The following LUZP2 variants were observed in gnomAD, a reference collection of about 807,000 sequenced individuals.
LUZP2 encodes leucine zipper protein 2.
A neutral mutation model predicts 51.6 loss-of-function variants in LUZP2; 52 were observed. The observed-to-expected ratio is 1.01, with a 90% CI of 0.81 to 1.27. The LOEUF (loss-of-function observed/expected upper bound fraction) is 1.27. LUZP2 is among the 50% of genes most tolerant of loss of function. The probability of loss-of-function intolerance (pLI) is 0.00; values close to 1 mark genes in which losing one functional copy is unlikely to be tolerated. For missense variants in LUZP2, 436 were observed against 395.4 expected (o/e 1.10, Z -0.87); for synonymous variants, 154 against 137.3 (o/e 1.12, Z -0.85).
At chr11:24,844,012 G>C (rs1221465849) in intron 5 of LUZP2, among the ~76,000 whole-genome samples, 1 of 152,112 alleles carries the variant, frequency 6.6e-6, no homozygotes, top group Non-Finnish European at 1.5e-5. Flanking sequence ...TAATACAGTA[G>C]ATTGGTACCA....
At chr11:24,582,237 G>C (rs1328653733) in intron 1 of LUZP2, among the ~76,000 whole-genome samples, 2 of 149,060 alleles carry the variant, frequency 1.3e-5, no homozygotes, top group Non-Finnish European at 3.0e-5. Flanking sequence ...TTCCAGGTGT[G>C]TCTGAGACAG....
At chr11:24,541,572 G>A (rs1851365563) in intron 1 of LUZP2, among the ~76,000 whole-genome samples, 1 of 152,148 alleles carries the variant, frequency 6.6e-6, no homozygotes, top group South Asian at 2.1e-4. Flanking sequence ...TGGATGTTTT[G>A]TTGAATTCTC....
chr11:24,775,512 A>C (rs1033479732), intron 5 of LUZP2, among the ~76,000 whole-genome samples: 10 of 152,180 alleles, frequency 6.6e-5, no homozygotes, highest in African/African-American at 2.4e-4. Flanking sequence ...CCAGCTTTCT[A>C]CTTCTCAAGG....
At chr11:24,790,335 G>C (rs1254067759) in intron 5 of LUZP2, among the ~76,000 whole-genome samples, 1 of 152,078 alleles carries the variant, frequency 6.6e-6, no homozygotes, top group Non-Finnish European at 1.5e-5. Flanking sequence ...AAGTCAAAAT[G>C]ATAGTTCCTA....
At chr11:24,646,362 GACA>G (rs1437577413) in intron 1 of LUZP2, among the ~76,000 whole-genome samples, 2 of 152,030 alleles carry the variant, frequency 1.3e-5, no homozygotes, top group African/African-American at 4.8e-5. Context: ...AGAAATTCCA[GACA>G]ACAACGTTTA....
chr11:25,022,378 G>C (rs567000148), intron 9 of LUZP2, among the ~76,000 whole-genome samples: 1 of 151,956 alleles, frequency 6.6e-6, no homozygotes, highest in Non-Finnish European at 1.5e-5. Context: ...CCAATAAGTA[G>C]TTTGTGAAAA....
intron 5 of LUZP2, chr11:24,785,968 G>T (rs1849234601): frequency 2.0e-6 from 2 of 985,320 alleles, no homozygotes; most frequent in Non-Finnish European, 2.4e-6. Flanking sequence ...AATTATTTGA[G>T]TTTGGACTTA....
chr11:25,024,106 T>A (rs577762518), intron 9 of LUZP2, among the ~76,000 whole-genome samples: 1 of 152,294 alleles, frequency 6.6e-6, no homozygotes, highest in East Asian at 1.9e-4. Context: ...AGAATGTATA[T>A]TCTGTTGATT....
intron 1 of LUZP2, among the ~76,000 whole-genome samples, chr11:24,674,407 G>A (rs1856484424): frequency 1.3e-5 from 2 of 152,090 alleles, no homozygotes. Context: ...AGCTTTTCCA[G>A]ACAAGTGTCC....
Position 25,019,302 on chromosome 11 carries a change from A to G in LUZP2, c.766-30736A>G, listed in dbSNP as rs368954959. Among the ~76,000 whole-genome samples the G allele has an allele frequency of 6.6e-5, 10 of 152,342 alleles. No individual in the cohort carries two copies. The East Asian group carries it at 9.6e-4, about 15-fold the overall frequency. ...GTCATACATCATCTAACATAGATTT[A>G]TCTTCATTTTACATGAGAGTAAACA... On this transcript the variant is annotated intron_variant, in intron 9 of 11. Transcript: ENST00000336930.
intron 1 of LUZP2, among the ~76,000 whole-genome samples, chr11:24,513,003 C>A (rs189898007): frequency 6.6e-6 from 1 of 152,270 alleles, no homozygotes; most frequent in African/African-American, 2.4e-5. Flanking sequence ...GGTGATCCAC[C>A]CGCCTCGGCC....
chr11:24,526,265 C>CA (rs71041769), intron 1 of LUZP2, among the ~76,000 whole-genome samples: 30,324 of 141,076 alleles, frequency 0.21, 3,770 homozygotes, highest in African/African-American at 0.36. Context: ...CACTAGGGGG[C>CA]AAAAAAAAAA....
At chr11:24,497,416 G>A (rs951840530) in intron 1 of LUZP2, 111 bp downstream of exon 1, 20 of 668,340 alleles carry the variant, frequency 3.0e-5, no homozygotes, top group Admixed American at 8.2e-5. Context: ...TGCATCTCCC[G>A]CCTAAGCAAG....
At chr11:24,689,009 C>T (rs1225639950) in intron 1 of LUZP2, among the ~76,000 whole-genome samples, 1 of 152,082 alleles carries the variant, frequency 6.6e-6, no homozygotes, top group Non-Finnish European at 1.5e-5. Context: ...TTCTTGTCTC[C>T]TTGGAGGGAG....
In LUZP2 at chr11:24,716,222, T is replaced by A. The variant is rs184443246; in HGVS notation, c.63-12947T>A. ...TGGAAGTTTGTGTTTCTACAGTTAT[T>A]ATTGTTGTTATTCTATTTCTTTGGG... is the stretch of plus-strand genomic sequence containing the variant. On this transcript the variant is annotated intron_variant, in intron 1 of 11. Transcript: ENST00000336930. 6.3e-4 allele frequency among the ~76,000 whole-genome samples: 96 copies of A among 152,338 alleles called. 1 individual carries two copies. In the South Asian group the frequency reaches 0.011, roughly 17 times the overall value.
At chr11:24,850,686 A>G (rs1851364352) in intron 5 of LUZP2, among the ~76,000 whole-genome samples, 1 of 152,150 alleles carries the variant, frequency 6.6e-6, no homozygotes, top group African/African-American at 2.4e-5. Flanking sequence ...TGGAGATAGC[A>G]CTGAATCTAT....
chr11:25,070,449 T>C (rs1020184318), intron 10 of LUZP2, among the ~76,000 whole-genome samples: 3 of 151,920 alleles, frequency 2.0e-5, no homozygotes, highest in African/African-American at 7.2e-5. Context: ...TCTCCATTTC[T>C]ATTAACTCAA....
intron 1 of LUZP2, among the ~76,000 whole-genome samples, chr11:24,636,298 T>G (rs1195457063): frequency 1.3e-5 from 2 of 152,088 alleles, no homozygotes; most frequent in African/African-American, 4.8e-5. Context: ...CCTACACTGG[T>G]AAAAACATTC....
chr11:24,943,077 T>G (rs1854799309), intron 7 of LUZP2, among the ~76,000 whole-genome samples: 1 of 152,184 alleles, frequency 6.6e-6, no homozygotes, highest in Admixed American at 6.5e-5. Flanking sequence ...GCATGAGAAG[T>G]CCATATAAAG....
Sources: gnomAD v4.1 joint callset for allele counts (sites outside exome capture counted in the v4.1 genomes callset) on GRCh38, gnomAD v4.1.1 for gene constraint, MANE v1.5 for transcripts, NCBI Gene and HGNC (gene_info 2026-07-23, HGNC 2026-07-21) for gene names.